Variants in RIMBP2 observed in about 807,000 individuals in gnomAD.
The protein encoded by RIMBP2 is RIMS-binding protein 2.
In RIMBP2, 48 loss-of-function variants were observed where a neutral mutation model predicts 118.6. That is an observed-to-expected ratio of 0.40 (90% CI 0.32 to 0.51). RIMBP2 has a LOEUF of 0.51. RIMBP2 is among the 20% of genes least tolerant of loss of function. The pLI, the probability that RIMBP2 is intolerant of heterozygous loss-of-function variation, is 0.41. For synonymous variants in RIMBP2, 762 were observed against 742.9 expected (o/e 1.03, Z -0.42); for missense variants, 1,551 against 1,768.3 (o/e 0.88, Z 2.20).
intron 6 of RIMBP2, among the ~76,000 whole-genome samples, chr12:130,459,289 G>GA (rs76094386): frequency 5.8e-4 from 81 of 138,490 alleles, no homozygotes; most frequent in South Asian, 9.3e-4. Flanking sequence ...AGCTATATAC[G>GA]AAAAAAAAAA....
At chr12:130,551,066 A>C (rs1004087579) in intron 2 of RIMBP2, among the ~76,000 whole-genome samples, 1 of 152,204 alleles carries the variant, frequency 6.6e-6, no homozygotes, top group Admixed American at 6.5e-5. Context: ...GACCCACAAT[A>C]ATCACCAGGT....
At position 130,523,070 on chromosome 12, in the gene RIMBP2, GTC is replaced by G. The variant is rs1388939835; in HGVS notation, c.-216-5155_-216-5154del. Among the ~76,000 whole-genome samples, 1 of 151,612 alleles carries G rather than the reference GTC, an allele frequency of 6.6e-6. No individual in the cohort carries two copies. Among genetic ancestry groups the G allele is most frequent in the African/African-American group, 2.4e-5 (1 of 41,222 alleles). ...TGTCTCTATGTCTCTCTGCCTCTCT[GTC>G]TCTGTCTCCACGTCTCTGTTTCTCT... is the stretch of plus-strand genomic sequence containing the variant. On this transcript the variant is annotated intron_variant, in intron 2 of 22. Transcript: ENST00000690449. The surrounding 1 kb of genome is among the most constrained non-coding windows in gnomAD (Gnocchi z 4.4).
chr12:130,507,513 AT>A (rs2050482808), intron 3 of RIMBP2, among the ~76,000 whole-genome samples: 1 of 152,230 alleles, frequency 6.6e-6, no homozygotes. Context: ...TTAAAAGTGA[AT>A]AAAAATGCCA....
Position 130,442,449 on chromosome 12 carries a change from G to A in RIMBP2, c.903C>T (p.Thr301=). Residue 301 remains threonine (T), a synonymous_variant, in exon 11 of 23, where the codon ACC becomes ACT. Transcript: ENST00000690449. This position sits in a 1 kb window ranked among gnomAD's most constrained non-coding sequence, Gnocchi z 6.9. ...CGATGTCGTCGATGTTCACGTCCAG[G>A]GTCCCGGCACTGTTGTCGGTGATGC... is the stretch of plus-strand genomic sequence containing the variant. ...DAGITDNSAG[T]LDVNIDDIGE... 1 of 1,614,168 alleles carries A rather than the reference G, an allele frequency of 6.2e-7. No homozygotes were observed. Among genetic ancestry groups the A allele is most frequent in the Admixed American group, 1.7e-5 (1 of 60,024 alleles).
intron 19 of RIMBP2, among the ~76,000 whole-genome samples, chr12:130,411,866 A>C (rs978241108): frequency 6.6e-6 from 1 of 152,208 alleles, no homozygotes; most frequent in African/African-American, 2.4e-5. Context: ...CCTTAAAATT[A>C]TGTATATTCT....
intron 1 of RIMBP2, among the ~76,000 whole-genome samples, chr12:130,648,698 C>T (rs2136250280): frequency 7.0e-6 from 1 of 142,130 alleles, no homozygotes; most frequent in Non-Finnish European, 1.6e-5. Flanking sequence ...CTCTTGTTGC[C>T]CAGGCTGGAG....
intron 2 of RIMBP2, among the ~76,000 whole-genome samples, chr12:130,615,789 A>G (rs2060892605): frequency 6.6e-6 from 1 of 152,128 alleles, no homozygotes; most frequent in South Asian, 2.1e-4. Context: ...ACCAATGCCC[A>G]CTAAGTTTAA....
At chr12:130,451,120 G>A (rs2078969207) in intron 8 of RIMBP2, 75 bp downstream of exon 8, 3 of 1,513,462 alleles carry the variant, frequency 2.0e-6, no homozygotes, top group East Asian at 4.5e-5. Flanking sequence ...GAAAAAACAG[G>A]ACAAACTGGC....
At chr12:130,676,319 TAAAAAAAAA>T (rs34473551) in intron 1 of RIMBP2, among the ~76,000 whole-genome samples, 1 of 133,312 alleles carries the variant, frequency 7.5e-6, no homozygotes, top group African/African-American at 2.8e-5. Flanking sequence ...GAGGATGGAT[TAAAAAAAAA>T]AAAAAAAAAA....
intron 2 of RIMBP2, among the ~76,000 whole-genome samples, chr12:130,537,243 T>C (rs2054160235): frequency 1.3e-5 from 2 of 152,208 alleles, no homozygotes; most frequent in African/African-American, 2.4e-5. Flanking sequence ...ACAGAATGCA[T>C]TTCAAGCAGA....
At position 130,511,681 on chromosome 12, in the gene RIMBP2, A is replaced by G. The variant is rs116366670; in HGVS notation, c.-126-4911T>C. On this transcript the variant is annotated intron_variant, in intron 3 of 22. Transcript: ENST00000690449. This position sits in a 1 kb window ranked among gnomAD's most constrained non-coding sequence, Gnocchi z 4.3. ...GGACCAGACTGAGACCGTCTGTGAC[A>G]CGGTTCTGATGAGCCTGGAGCAGAA... 5.4e-3 allele frequency among the ~76,000 whole-genome samples: 818 copies of G among 152,314 alleles called. 7 individuals carry two copies. The highest frequency in any genetic ancestry group is 0.019 in the African/African-American group (789 of 41,566).
At position 130,442,093 on chromosome 12, in the gene RIMBP2, GTGA is replaced by G; in HGVS notation, c.1256_1258del (p.Ile419del). ...CCAGGAGAGCTGGGCGGAGATCTGC[GTGA>G]TGTTGTCCACCCGCAGGTGGGAGGG... On this transcript the variant is annotated inframe_deletion, in exon 11 of 23. Transcript: ENST00000690449. This position sits in a 1 kb window ranked among gnomAD's most constrained non-coding sequence, Gnocchi z 6.9. The G allele has an allele frequency of 6.2e-7, 1 of 1,614,178 alleles. No homozygotes were observed. The highest frequency in any genetic ancestry group is 8.5e-7 in the Non-Finnish European group (1 of 1,180,038).
At chr12:130,496,301 C>T (rs1384340919) in intron 4 of RIMBP2, among the ~76,000 whole-genome samples, 4 of 152,166 alleles carry the variant, frequency 2.6e-5, no homozygotes, top group African/African-American at 9.7e-5. Context: ...TCTTCTCTTG[C>T]CTGCTCCCAC....
chr12:130,705,426 C>A (rs1478924955), intron 1 of RIMBP2, among the ~76,000 whole-genome samples: 1 of 152,198 alleles, frequency 6.6e-6, no homozygotes, highest in Admixed American at 6.5e-5. Context: ...AAAGGAGGTT[C>A]AGTTTCCCCA....
chr12:130,464,094 C>A (rs1227734351), intron 6 of RIMBP2, among the ~76,000 whole-genome samples: 3 of 151,954 alleles, frequency 2.0e-5, no homozygotes, highest in Non-Finnish European at 4.4e-5. Context: ...CCGACAAAAA[C>A]TCATGAACAA....
At chr12:130,496,752 C>T (rs912273931) in intron 4 of RIMBP2, among the ~76,000 whole-genome samples, 2 of 152,194 alleles carry the variant, frequency 1.3e-5, no homozygotes, top group African/African-American at 2.4e-5. Flanking sequence ...CTGCAGGCCA[C>T]CCAGAGGAGC....
At position 130,701,418 on chromosome 12, in the gene RIMBP2, A is replaced by G. The variant is rs147084801; in HGVS notation, c.-352+14804T>C. On this transcript the variant is annotated intron_variant, in intron 1 of 22. Coordinates refer to ENST00000690449, the MANE Select transcript of RIMBP2 (RefSeq NM_001393629.1). ...TTACATCACACGTGGAACTGCTTGT[A>G]TTGGAGTTTACAACCCCTGAAGACA... Among the ~76,000 whole-genome samples the G allele has an allele frequency of 5.9e-5, 9 of 152,338 alleles. No individual in the cohort carries two copies. In the East Asian group the frequency reaches 1.7e-3, roughly 29 times the overall value.
At chr12:130,408,585 C>T (rs913361216) in intron 19 of RIMBP2, among the ~76,000 whole-genome samples, 24 of 152,258 alleles carry the variant, frequency 1.6e-4, no homozygotes, top group African/African-American at 4.8e-4. Context: ...CCAGCGTGAG[C>T]GCTCCACACA....
chr12:130,574,144 A>G (rs1423131284), intron 2 of RIMBP2, among the ~76,000 whole-genome samples: 1 of 152,230 alleles, frequency 6.6e-6, no homozygotes, highest in East Asian at 1.9e-4. Flanking sequence ...AAGGAAATCT[A>G]AATGAGAAAA....
Sources: gnomAD v4.1 joint callset for allele counts (sites outside exome capture counted in the v4.1 genomes callset) on GRCh38, gnomAD v4.1.1 for gene constraint, Gnocchi (gnomAD v3.1) non-coding constraint, MANE v1.5 for transcripts, NCBI Gene and HGNC (gene_info 2026-07-23, HGNC 2026-07-21) for gene names.